XKR6: variants seen among roughly 807,000 people sequenced by gnomAD.
XKR6 encodes XK-related protein 6.
In XKR6, 22 loss-of-function variants were observed where a neutral mutation model predicts 56.7. The ratio of observed to expected loss-of-function variants is 0.39; its 90% CI spans 0.28 to 0.55. The LOEUF is 0.55. Among genes scored for constraint, XKR6 ranks in the 20% least tolerant of loss-of-function variants. XKR6 has a pLI of 0.66. For missense variants in XKR6, 852 were observed against 889.0 expected (o/e 0.96, Z 0.53); for synonymous variants, 524 against 387.8 (o/e 1.35, Z -4.13).
At chr8:11,151,502 A>G (rs1389307213) in intron 1 of XKR6, among the ~76,000 whole-genome samples, 1 of 152,166 alleles carries the variant, frequency 6.6e-6, no homozygotes, top group Non-Finnish European at 1.5e-5. Context: ...CATGCTCAGT[A>G]AGAACAGATG....
rs376230971 is a variant in XKR6, at chr8:11,154,234, G to A, written c.764+46342C>T. Among the ~76,000 whole-genome samples, 70 of 152,296 alleles carry A rather than the reference G, an allele frequency of 4.6e-4. 2 individuals carry two copies. Among genetic ancestry groups the A allele is most frequent in the African/African-American group, 1.5e-3 (62 of 41,556 alleles). On this transcript the variant is annotated intron_variant, in intron 1 of 2. Transcript: ENST00000416569. ...TGGCTCACACGATACCAGTAGACAT[G>A]GTGACGGAGTTCAACTTTGTGGGCA... is the stretch of plus-strand genomic sequence containing the variant.
intron 1 of XKR6, among the ~76,000 whole-genome samples, chr8:10,960,247 A>AGGTGCAGGTATAGCAGGTG (rs981345091): frequency 5.2e-4 from 78 of 150,116 alleles, no homozygotes; most frequent in African/African-American, 1.7e-3. Context: ...TATAGCAGGT[A>AGGTGCAGGTATAGCAGGTG]GGTGCAGGTA....
chr8:11,040,201 A>G (rs1799251072), intron 1 of XKR6, among the ~76,000 whole-genome samples: 1 of 151,566 alleles, frequency 6.6e-6, no homozygotes, highest in African/African-American at 2.4e-5. Flanking sequence ...CAGGAACAGG[A>G]CCCTTCCTGC....
intron 1 of XKR6, among the ~76,000 whole-genome samples, chr8:11,186,505 T>C (rs1301284259): frequency 6.6e-6 from 1 of 152,130 alleles, no homozygotes; most frequent in Non-Finnish European, 1.5e-5. Context: ...GCCTCCCAAC[T>C]AGCTGGGAAC....
At chr8:11,048,109 C>G (rs1050605682) in intron 1 of XKR6, among the ~76,000 whole-genome samples, 1 of 152,136 alleles carries the variant, frequency 6.6e-6, no homozygotes, top group Non-Finnish European at 1.5e-5. Context: ...TCACACACCC[C>G]CCACGCTCAG....
At chr8:11,123,066 G>A (rs1229340752) in intron 1 of XKR6, among the ~76,000 whole-genome samples, 2 of 151,828 alleles carry the variant, frequency 1.3e-5, no homozygotes, top group African/African-American at 2.4e-5. Flanking sequence ...GTGAAACCTC[G>A]TCTCTACTAA....
At chr8:11,081,483 C>T (rs959148565) in intron 1 of XKR6, among the ~76,000 whole-genome samples, 1 of 152,212 alleles carries the variant, frequency 6.6e-6, no homozygotes, top group Non-Finnish European at 1.5e-5. Flanking sequence ...GATTTGATCA[C>T]ACATCAAAAT....
intron 2 of XKR6, among the ~76,000 whole-genome samples, chr8:10,910,876 AG>A (rs1481226805): frequency 6.6e-6 from 1 of 152,216 alleles, no homozygotes; most frequent in Non-Finnish European, 1.5e-5. Context: ...ACAAGGCTCA[AG>A]GGTGCCTGGA....
At chr8:10,998,110 G>A (rs1798156030) in intron 1 of XKR6, among the ~76,000 whole-genome samples, 1 of 152,082 alleles carries the variant, frequency 6.6e-6, no homozygotes, top group Admixed American at 6.5e-5. Flanking sequence ...AGAGGGTCCA[G>A]CACTCACTTC....
At chr8:11,107,480 C>T (rs1798722687) in intron 1 of XKR6, among the ~76,000 whole-genome samples, 1 of 152,182 alleles carries the variant, frequency 6.6e-6, no homozygotes, top group Admixed American at 6.5e-5. Context: ...CCACCACACC[C>T]AGCCCTGATC....
At chr8:11,061,272 C>T (rs1563111033) in intron 1 of XKR6, among the ~76,000 whole-genome samples, 2 of 152,140 alleles carry the variant, frequency 1.3e-5, no homozygotes, top group Admixed American at 6.5e-5. Flanking sequence ...TGAGCCCAGC[C>T]TGGGCAACAT....
chr8:11,085,253 G>A (rs939293663), intron 1 of XKR6, among the ~76,000 whole-genome samples: 1 of 152,158 alleles, frequency 6.6e-6, no homozygotes, highest in African/African-American at 2.4e-5. Flanking sequence ...CTAGGTGGGA[G>A]CCTCATTGTC....
In XKR6 at chr8:11,123,968, T is replaced by G. The variant is rs1253657135; in HGVS notation, c.764+76608A>C. On this transcript the variant is annotated intron_variant, in intron 1 of 2. Coordinates refer to ENST00000416569, the MANE Select transcript of XKR6 (RefSeq NM_173683.4). ...GAGGATCGGCTCCAGTGCTACCTGC[T>G]CAGAGGCACTGCCGTGAGCAGCCTC... The G allele has an allele frequency of 6.6e-6, 3 of 456,180 alleles. No individual in the cohort carries two copies. The Admixed American group carries it at 7.0e-5, about 11-fold the overall frequency. 28.3% of individuals were successfully genotyped at this position (456,180 alleles called of 1,614,324 possible). A position where few individuals can be genotyped will look rare whatever the true frequency, so the allele number is the denominator to read the frequency against.
rs58989028 is a variant in XKR6, at chr8:11,035,939, CTTTTTTTTTTTTT to C, written c.765-111122_765-111110del. 2.8e-4 allele frequency among the ~76,000 whole-genome samples: 28 copies of C among 101,610 alleles called. 1 individual carries two copies. Among genetic ancestry groups the C allele is most frequent in the Admixed American group, 1.2e-4 (1 of 8,054 alleles). The allele number at this position is 101,610 out of a possible 152,430, so 66.7% of individuals were successfully genotyped here. On this transcript the variant is annotated intron_variant, in intron 1 of 2. Transcript: ENST00000416569. The stretch of plus-strand genomic sequence containing the variant: ...TCTGAGTTGAGTTACCTGTGAAAGT[CTTTTTTTTTTTTT>C]TTTTTTTTTGAGGCAGGATCTTGCT...
chr8:10,935,933 G>A (rs1488242362), intron 1 of XKR6, among the ~76,000 whole-genome samples: 1 of 146,602 alleles, frequency 6.8e-6, no homozygotes, highest in East Asian at 2.0e-4. Flanking sequence ...GTGCAGAGCT[G>A]AGTTCAATTC....
intron 1 of XKR6, among the ~76,000 whole-genome samples, chr8:11,077,656 G>C (rs1047900273): frequency 2.0e-5 from 3 of 152,208 alleles, no homozygotes; most frequent in African/African-American, 7.2e-5. Flanking sequence ...GCTGAGGAAG[G>C]AGCCTGTGGC....
intron 1 of XKR6, among the ~76,000 whole-genome samples, chr8:11,081,668 G>C (rs1426365873): frequency 6.6e-6 from 1 of 152,150 alleles, no homozygotes; most frequent in African/African-American, 2.4e-5. Context: ...TCCAAGTTCT[G>C]ATCATCAAGT....
At chr8:11,125,890 C>G (rs984213799) in intron 1 of XKR6, 2 of 152,226 alleles carry the variant, frequency 1.3e-5, no homozygotes, top group African/African-American at 4.8e-5. Flanking sequence ...GTTCTCAGTA[C>G]TATACTTCTA....
At chr8:10,997,865 T>C (rs4841474) in intron 1 of XKR6, among the ~76,000 whole-genome samples, 72,293 of 151,776 alleles carry the variant, frequency 0.48, 22,030 homozygotes, top group African/African-American at 0.86. Flanking sequence ...ACAACCGGGG[T>C]CAGAGGGGGA....
Sources: gnomAD v4.1 joint callset for allele counts (sites outside exome capture counted in the v4.1 genomes callset) on GRCh38, gnomAD v4.1.1 for gene constraint, MANE v1.5 for transcripts, NCBI Gene and HGNC (gene_info 2026-07-23, HGNC 2026-07-21) for gene names.